Variants in KLRG1 observed in about 807,000 individuals in gnomAD.
KLRG1 encodes the protein killer cell lectin-like receptor subfamily G member 1.
A neutral mutation model predicts 21.8 loss-of-function variants in KLRG1; 16 were observed. The ratio of observed to expected loss-of-function variants is 0.73; its 90% CI spans 0.50 to 1.11. KLRG1 has a LOEUF of 1.11. Ranked by LOEUF, KLRG1 falls within the 50% of genes most tolerant of loss-of-function variation. The pLI is 0.00. For synonymous variants in KLRG1, 69 were observed against 75.9 expected (o/e 0.91, Z 0.47); for missense variants, 173 against 218.3 (o/e 0.79, Z 1.31).
the KLRG1 span, chr12:9,079,969 G>A: frequency 1.1e-6 from 1 of 948,684 alleles, no homozygotes; most frequent in African/African-American, 1.7e-5. Context: ...CAATAAACAA[G>A]CCCAAAGAAG....
At chr12:9,149,748 G>A in the KLRG1 span, 1 of 652,704 alleles carries the variant, frequency 1.5e-6, no homozygotes, top group South Asian at 2.4e-5. Flanking sequence ...GAATTAAACA[G>A]GATCATTAAC....
intron 1 of KLRG1, among the ~76,000 whole-genome samples, chr12:8,983,215 A>G (rs1435426476): frequency 6.6e-6 from 1 of 151,586 alleles, no homozygotes; most frequent in Non-Finnish European, 1.5e-5. Context: ...CTGTATATCT[A>G]TGTTTTTATC....
At chr12:9,072,790 T>C in the KLRG1 span, 1 of 1,614,210 alleles carries the variant, frequency 6.2e-7, no homozygotes. Flanking sequence ...GAAGACTGGA[T>C]AGTCACCTGT....
the KLRG1 span, among the ~76,000 whole-genome samples, chr12:9,165,580 A>G: frequency 6.6e-6 from 1 of 152,188 alleles, no homozygotes. Flanking sequence ...TCAACAAATG[A>G]TCATATCCCA....
chr12:8,991,912 G>T (rs182847333), intron 1 of KLRG1, among the ~76,000 whole-genome samples: 1 of 152,304 alleles, frequency 6.6e-6, no homozygotes, highest in East Asian at 1.9e-4. Flanking sequence ...GTCCTCCAAA[G>T]AGGTACCAAT....
the KLRG1 span, chr12:9,202,801 G>C: frequency 2.0e-6 from 2 of 978,908 alleles, no homozygotes; most frequent in South Asian, 1.7e-5. Flanking sequence ...AGGAAGGTGT[G>C]ACTATTTCTT....
chr12:9,113,548 G>A, the KLRG1 span: 8 of 1,612,000 alleles, frequency 5.0e-6, no homozygotes, highest in African/African-American at 1.1e-4. Context: ...TACTGCCTGG[G>A]AATGAGACGG....
chr12:9,023,535 G>T, the KLRG1 span, among the ~76,000 whole-genome samples: 1 of 151,804 alleles, frequency 6.6e-6, no homozygotes, highest in Admixed American at 6.6e-5. Flanking sequence ...ATTTAGGTCG[G>T]TAATGTATTT....
At chr12:8,980,693 C>G (rs1376543335) in intron 1 of KLRG1, among the ~76,000 whole-genome samples, 1 of 152,124 alleles carries the variant, frequency 6.6e-6, no homozygotes, top group Non-Finnish European at 1.5e-5. Flanking sequence ...CAGCATTCAT[C>G]CTGGTTCCAG....
the KLRG1 span, chr12:9,157,903 T>G: frequency 6.6e-6 from 9 of 1,367,612 alleles, no homozygotes; most frequent in African/African-American, 1.1e-4. Flanking sequence ...TCTCTTCTGT[T>G]GTTTGATGGA....
the KLRG1 span, among the ~76,000 whole-genome samples, chr12:9,118,099 A>C: frequency 6.6e-6 from 1 of 152,224 alleles, no homozygotes; most frequent in African/African-American, 2.4e-5. Context: ...ATATAATAAA[A>C]AATACAGTGT....
chr12:9,083,711 A>C, the KLRG1 span, among the ~76,000 whole-genome samples: 1 of 151,700 alleles, frequency 6.6e-6, no homozygotes, highest in Non-Finnish European at 1.5e-5. Flanking sequence ...AGAGACTATA[A>C]AGCACATTTA....
intron 1 of KLRG1, among the ~76,000 whole-genome samples, chr12:8,969,367 C>T (rs141987301): frequency 5.3e-4 from 80 of 152,270 alleles, no homozygotes; most frequent in African/African-American, 1.8e-3. Flanking sequence ...GGCTCCCAGG[C>T]TGTTGCTCAG....
At chr12:9,089,133 A>G in the KLRG1 span, 1 of 1,217,858 alleles carries the variant, frequency 8.2e-7, no homozygotes, top group Non-Finnish European at 1.2e-6. Flanking sequence ...GGAATAATAT[A>G]TAAATGTTCT....
chr12:9,090,619 C>T, the KLRG1 span: 1 of 857,150 alleles, frequency 1.2e-6, no homozygotes, highest in African/African-American at 1.7e-5. Flanking sequence ...AGATCAAGTA[C>T]CTGAAATATA....
At chr12:9,161,008 G>T in the KLRG1 span, 4 of 1,528,970 alleles carry the variant, frequency 2.6e-6, no homozygotes, top group East Asian at 2.2e-5. Flanking sequence ...TTTGGCCCAG[G>T]TTTACTAAAT....
At chr12:9,192,227 A>G in the KLRG1 span, 2 of 1,614,112 alleles carry the variant, frequency 1.2e-6, no homozygotes, top group East Asian at 2.2e-5. Flanking sequence ...TGTGGGTTCC[A>G]GATCTGACGA....
the KLRG1 span, chr12:9,135,276 C>T: frequency 7.4e-6 from 2 of 269,542 alleles, no homozygotes; most frequent in Non-Finnish European, 1.5e-5. Context: ...TCTTTGTATT[C>T]GCATCAACCA....
chr12:9,151,508 T>C, the KLRG1 span: 20 of 998,106 alleles, frequency 2.0e-5, no homozygotes, highest in East Asian at 9.9e-5. Flanking sequence ...GCATTACTAA[T>C]GATTGTTTTC....
Sources: allele counts gnomAD v4.1 joint callset (sites outside exome capture counted in the v4.1 genomes callset), GRCh38; gene constraint gnomAD v4.1.1; transcripts MANE v1.5; gene names NCBI Gene and HGNC (gene_info 2026-07-23, HGNC 2026-07-21).